The following NTMT1 variants were observed in gnomAD, a reference collection of about 807,000 sequenced individuals.
NTMT1 encodes the protein N-terminal Xaa-Pro-Lys N-methyltransferase 1.
NTMT1 carries 8 observed loss-of-function variants against 17.5 expected under a neutral mutation model. The ratio of observed to expected loss-of-function variants is 0.46; its 90% CI spans 0.27 to 0.82. The LOEUF (loss-of-function observed/expected upper bound fraction) is 0.82. Ranked by LOEUF, NTMT1 falls within the 40% of genes least tolerant of loss-of-function variation. NTMT1 has a pLI of 0.15. For synonymous variants in NTMT1, 128 were observed against 126.8 expected (o/e 1.01, Z -0.06); for missense variants, 221 against 303.5 (o/e 0.73, Z 2.02).
Position 129,635,320 on chromosome 9 carries a change from G to C in NTMT1, c.528G>C (p.Leu176=). The C allele has an allele frequency of 3.1e-6, 5 of 1,613,846 alleles. No homozygotes were observed. Among genetic ancestry groups the C allele is most frequent in the Non-Finnish European group, 4.2e-6 (5 of 1,180,030 alleles). ...KDNMAQEGVI[L]DDVDSSVCRD... ...ACATGGCCCAGGAGGGCGTGATTCT[G>C]GACGACGTGGACAGCAGCGTGTGCC... Residue 176 remains leucine (L), a synonymous_variant, in exon 4 of 4, where the codon CTG becomes CTC. Coordinates refer to ENST00000372483, the MANE Select transcript of NTMT1 (RefSeq NM_014064.4).
Position 129,620,396 on chromosome 9 carries a change from G to T in NTMT1, c.-55+11218G>T. 1 of 1,230,120 alleles carries T rather than the reference G, an allele frequency of 8.1e-7. No homozygotes were observed. Among genetic ancestry groups the T allele is most frequent in the Non-Finnish European group, 1.0e-6 (1 of 987,420 alleles). The allele number at this position is 1,230,120 out of a possible 1,614,324, so 76.2% of individuals were successfully genotyped here. On this transcript the variant is annotated intron_variant, in intron 1 of 3. Coordinates refer to the NTMT1 transcript ENST00000372486. The surrounding 1 kb of genome is among the most constrained non-coding windows in gnomAD (Gnocchi z 5.8). ...CTTGGCGTCCCCTTCCGGCCACCAC[G>T]CGGCGCCGCCCCCCGGGATCCTCCA...
In NTMT1 at chr9:129,635,466, C is replaced by G. The variant is rs762457236; in HGVS notation, c.*2C>G. The G allele has an allele frequency of 5.0e-6, 8 of 1,603,128 alleles. No individual in the cohort carries two copies. The South Asian group carries it at 8.8e-5, about 18-fold the overall frequency. On this transcript the variant is annotated 3_prime_UTR_variant, in exon 4 of 4. Coordinates refer to ENST00000372483, the MANE Select transcript of NTMT1 (RefSeq NM_014064.4). ...GTCTATAGCTTTGCCCTGAGATGAGCCGGGGCTGGCAGGAGAAACTGAGGA... is the reference window on the plus strand; with the variant it reads ...GTCTATAGCTTTGCCCTGAGATGAGGCGGGGCTGGCAGGAGAAACTGAGGA...
At chr9:129,623,031 TAAA>T (rs60904643), upstream of NTMT1, among the ~76,000 whole-genome samples, 1 of 144,858 alleles carries the variant, frequency 6.9e-6, no homozygotes, top group Admixed American at 6.9e-5. Context: ...TCCATCTCCA[TAAA>T]AAAAAAAAGA....
At chr9:129,627,013 G>C (rs576182038) in intron 1 of NTMT1, among the ~76,000 whole-genome samples, 1 of 152,340 alleles carries the variant, frequency 6.6e-6, no homozygotes, top group South Asian at 2.1e-4. Flanking sequence ...CCAGTGAGAT[G>C]GGATGAGCCT....
In NTMT1 at chr9:129,633,911, G is replaced by C. The variant is rs1564349393; in HGVS notation, c.163-143G>C. On this transcript the variant is annotated intron_variant, in intron 2 of 3. Transcript: ENST00000372483. ...CCCCTCGACTCCGTACAAGCTGGCA[G>C]CCAGCACAGACCTCCCCACCAGTGC... The C allele has an allele frequency of 4.6e-6, 4 of 875,778 alleles. No homozygotes were observed. The African/African-American group carries it at 5.1e-5, about 11-fold the overall frequency. The allele number at this position is 875,778 out of a possible 1,614,324, so 54.3% of individuals were successfully genotyped here.
At chr9:129,627,394 C>A (rs1457519981) in intron 1 of NTMT1, among the ~76,000 whole-genome samples, 1 of 152,186 alleles carries the variant, frequency 6.6e-6, no homozygotes, top group Non-Finnish European at 1.5e-5. Flanking sequence ...AGGCAGTTTT[C>A]CCATTTGATC....
At chr9:129,626,798 G>C (rs979921079) in intron 1 of NTMT1, among the ~76,000 whole-genome samples, 8 of 152,208 alleles carry the variant, frequency 5.3e-5, no homozygotes, top group Non-Finnish European at 8.8e-5. Context: ...GACAGCCCGA[G>C]AGCCCTTGCG....
chr9:129,633,691 TG>T (rs1382969506), intron 2 of NTMT1: 1 of 178,680 alleles, frequency 5.6e-6, no homozygotes, highest in Non-Finnish European at 1.1e-5. Flanking sequence ...TTGGGCATGG[TG>T]GCGCATGCCT....
chr9:129,613,481 TG>T lies in NTMT1; in HGVS notation c.-55+4305del. ...GAGGAGCTGGCCAGGGTCTCCTCCT[TG>T]GCCCCAGGGTACAGGGCTTTGGGCA... is the stretch of plus-strand genomic sequence containing the variant. On this transcript the variant is annotated intron_variant, in intron 1 of 3. Coordinates refer to the NTMT1 transcript ENST00000372486. This position sits in a 1 kb window ranked among gnomAD's most constrained non-coding sequence, Gnocchi z 6.2. The T allele has an allele frequency of 1.9e-6, 3 of 1,614,130 alleles. No individual in the cohort carries two copies. Among genetic ancestry groups the T allele is most frequent in the Non-Finnish European group, 2.5e-6 (3 of 1,180,018 alleles).
chr9:129,623,823 C>CTTTTTTT (rs746654555), upstream of NTMT1, among the ~76,000 whole-genome samples: 102 of 107,770 alleles, frequency 9.5e-4, 11 homozygotes, highest in African/African-American at 1.5e-3. Flanking sequence ...TTTTTCTTTT[C>CTTTTTTT]TTTTCTTTTT....
chr9:129,610,447 T>G (rs536888574), intron 1 of NTMT1, among the ~76,000 whole-genome samples: 1 of 151,782 alleles, frequency 6.6e-6, no homozygotes, highest in Non-Finnish European at 1.5e-5. Flanking sequence ...CTAGCAATTT[T>G]GGGCTGAACA....
At chr9:129,623,800 T>G (rs1240085112), upstream of NTMT1, among the ~76,000 whole-genome samples, 6 of 150,354 alleles carry the variant, frequency 4.0e-5, no homozygotes, top group Non-Finnish European at 1.5e-5. Flanking sequence ...CCAGATTAAC[T>G]AGACGGTTTC....
chr9:129,623,823 CTTTTCTTTTTTTT>C (rs1466582524), upstream of NTMT1, among the ~76,000 whole-genome samples: 1 of 107,832 alleles, frequency 9.3e-6, no homozygotes, highest in Non-Finnish European at 1.8e-5. Context: ...TTTTTCTTTT[CTTTTCTTTTTTTT>C]TTTTTTGGAG....
intron 1 of NTMT1, chr9:129,615,375 T>C: frequency 8.5e-7 from 1 of 1,183,236 alleles, no homozygotes; most frequent in Non-Finnish European, 1.1e-6. Context: ...ACTGATCTCT[T>C]GGCCTTTGCA....
chr9:129,613,605 A>G lies in NTMT1; in HGVS notation c.-55+4427A>G, dbSNP rs1169614304. 6.2e-7 allele frequency: 1 copy of G among 1,613,978 alleles called. No individual in the cohort carries two copies. The highest frequency in any genetic ancestry group is 8.5e-7 in the Non-Finnish European group (1 of 1,179,984). On this transcript the variant is annotated intron_variant, in intron 1 of 3. Transcript: ENST00000372486. This position sits in a 1 kb window ranked among gnomAD's most constrained non-coding sequence, Gnocchi z 6.2. ...CAATGACGCTCTGTTGGACTGCAGG[A>G]AAGAGGGCAGGGTGAGATCTCTGCC...
upstream of NTMT1, among the ~76,000 whole-genome samples, chr9:129,621,715 G>A (rs1372512199): frequency 6.6e-6 from 1 of 152,076 alleles, no homozygotes; most frequent in Non-Finnish European, 1.5e-5. Flanking sequence ...CAGAGCCCCA[G>A]TCTTACTCCC....
upstream of NTMT1, among the ~76,000 whole-genome samples, chr9:129,624,080 C>T (rs573594458): frequency 1.3e-5 from 2 of 152,248 alleles, no homozygotes; most frequent in African/African-American, 4.8e-5. Context: ...AGGCGTGAGC[C>T]ACTGCGCCTG....
intron 1 of NTMT1, among the ~76,000 whole-genome samples, chr9:129,629,909 G>A (rs1291121362): frequency 4.0e-5 from 6 of 151,822 alleles, no homozygotes; most frequent in African/African-American, 1.5e-4. Flanking sequence ...GGGCCAGCCT[G>A]GGCCACATAG....
intron 2 of NTMT1, chr9:129,633,187 C>T (rs1192840040): frequency 4.6e-6 from 2 of 431,014 alleles, no homozygotes; most frequent in Non-Finnish European, 8.2e-6. Flanking sequence ...GGTGTTTGGA[C>T]TGAGGGTGTT....
Sources: gnomAD v4.1 joint callset for allele counts (sites outside exome capture counted in the v4.1 genomes callset) on GRCh38, gnomAD v4.1.1 for gene constraint, Gnocchi (gnomAD v3.1) non-coding constraint, MANE v1.5 for transcripts, NCBI Gene and HGNC (gene_info 2026-07-23, HGNC 2026-07-21) for gene names.